The following KAZN variants were observed in gnomAD, a reference collection of about 807,000 sequenced individuals.
KAZN encodes the protein kazrin, periplakin interacting protein, also known as kazrin.
Under a neutral mutation model 87.4 loss-of-function variants are expected in KAZN, and 40 were observed. The ratio of observed to expected loss-of-function variants is 0.46; its 90% CI spans 0.36 to 0.60. The LOEUF is 0.60. KAZN is among the 20% of genes least tolerant of loss of function. KAZN has a pLI of 0.00. For synonymous variants in KAZN, 466 were observed against 458.3 expected (o/e 1.02, Z -0.22); for missense variants, 898 against 1,073.9 (o/e 0.84, Z 2.29).
intron 1 of KAZN, among the ~76,000 whole-genome samples, chr1:14,865,208 G>A (rs1272010354): frequency 6.6e-6 from 1 of 152,132 alleles, no homozygotes; most frequent in African/African-American, 2.4e-5. Context: ...CTTCCCATCT[G>A]GAGGCACCAA....
intron 1 of KAZN, among the ~76,000 whole-genome samples, chr1:14,774,817 C>T (rs545690198): frequency 2.4e-4 from 37 of 152,156 alleles, no homozygotes; most frequent in Non-Finnish European, 4.3e-4. Context: ...ATCTCTGATC[C>T]TGTAAGTCAG....
chr1:14,436,473 T>C (rs562639879), intron 2 of KAZN, among the ~76,000 whole-genome samples: 1 of 151,946 alleles, frequency 6.6e-6, no homozygotes, highest in Admixed American at 6.5e-5. Context: ...ATCCCAGTAC[T>C]TTGAGAGGCC....
At chr1:15,095,268 C>T (rs1385344465) in intron 10 of KAZN, among the ~76,000 whole-genome samples, 2 of 152,060 alleles carry the variant, frequency 1.3e-5, no homozygotes, top group Non-Finnish European at 2.9e-5. Flanking sequence ...CACACTGGGC[C>T]GCCATGGTGT....
intron 2 of KAZN, among the ~76,000 whole-genome samples, chr1:14,521,698 G>A (rs1422433706): frequency 6.6e-6 from 1 of 152,132 alleles, no homozygotes; most frequent in African/African-American, 2.4e-5. Flanking sequence ...TGGGCCCTTG[G>A]GTTGCCCTCA....
chr1:14,155,296 C>T (rs1207509528), intron 1 of KAZN, among the ~76,000 whole-genome samples: 1 of 152,084 alleles, frequency 6.6e-6, no homozygotes, highest in Non-Finnish European at 1.5e-5. Flanking sequence ...TCCATGTCTT[C>T]TAGATTTTCC....
chr1:15,104,854 A>G (rs762533144), intron 13 of KAZN, among the ~76,000 whole-genome samples: 18 of 152,170 alleles, frequency 1.2e-4, no homozygotes, highest in Admixed American at 7.2e-4. Context: ...TCCTTTATAG[A>G]TGGAGAAACT....
chr1:14,814,179 C>G (rs1646496516), intron 1 of KAZN, among the ~76,000 whole-genome samples: 1 of 152,192 alleles, frequency 6.6e-6, no homozygotes, highest in African/African-American at 2.4e-5. Flanking sequence ...CCCTTGGTCA[C>G]AACTGAGTGT....
chr1:14,130,491 T>G (rs1644969299), intron 1 of KAZN, among the ~76,000 whole-genome samples: 1 of 152,156 alleles, frequency 6.6e-6, no homozygotes, highest in Admixed American at 6.5e-5. Context: ...GCATGCTGTT[T>G]CTGAAAAAAT....
chr1:14,924,064 G>A (rs1658852611), intron 1 of KAZN: 1 of 922,772 alleles, frequency 1.1e-6, no homozygotes, highest in Middle Eastern at 5.5e-4. Context: ...GGGGCGGGGC[G>A]GGGGCGGGGC....
At chr1:14,243,545 A>G (rs1649177019) in intron 2 of KAZN, among the ~76,000 whole-genome samples, 1 of 152,232 alleles carries the variant, frequency 6.6e-6, no homozygotes, top group South Asian at 2.1e-4. Flanking sequence ...GGGTGAAGGT[A>G]GGTGAGCAGG....
At chr1:14,358,568 T>C (rs1659238964) in intron 2 of KAZN, among the ~76,000 whole-genome samples, 1 of 152,236 alleles carries the variant, frequency 6.6e-6, no homozygotes, top group Non-Finnish European at 1.5e-5. Flanking sequence ...TTTAGTGCTA[T>C]AAATTTCCCT....
chr1:14,736,257 GTGTGTGTGTGTGTGTGT>G (rs1643896903), intron 1 of KAZN, among the ~76,000 whole-genome samples: 22 of 99,532 alleles, frequency 2.2e-4, no homozygotes, highest in Non-Finnish European at 4.8e-4. Context: ...ACTCAAGGGT[GTGTGTGTGTGTGTGTGT>G]GTGTGTGTGT....
intron 1 of KAZN, among the ~76,000 whole-genome samples, chr1:14,144,402 GAT>G (rs1379057926): frequency 6.6e-6 from 1 of 152,136 alleles, no homozygotes; most frequent in Non-Finnish European, 1.5e-5. Context: ...TGGATATAGG[GAT>G]ATAACAGTTA....
At chr1:14,679,540 G>A (rs574685167) in intron 1 of KAZN, among the ~76,000 whole-genome samples, 90 of 152,242 alleles carry the variant, frequency 5.9e-4, no homozygotes, top group African/African-American at 2.1e-3. Flanking sequence ...CAGGTTGTTT[G>A]CTGTCTCTAG....
At chr1:14,269,145 C>T (rs1244438157) in intron 2 of KAZN, among the ~76,000 whole-genome samples, 1 of 152,066 alleles carries the variant, frequency 6.6e-6, no homozygotes, top group African/African-American at 2.4e-5. Context: ...GATATTGCCC[C>T]CAAGGGGGTG....
At chr1:14,155,753 G>C (rs1405449194) in intron 1 of KAZN, among the ~76,000 whole-genome samples, 1 of 152,006 alleles carries the variant, frequency 6.6e-6, no homozygotes, top group Non-Finnish European at 1.5e-5. Context: ...AGATACAAGT[G>C]ATTCTCATGT....
intron 1 of KAZN, among the ~76,000 whole-genome samples, chr1:14,743,965 T>C (rs2100448766): frequency 6.6e-6 from 1 of 151,834 alleles, no homozygotes; most frequent in East Asian, 1.9e-4. Flanking sequence ...AAACCAAGAC[T>C]CTGGTACCTG....
chr1:14,478,429 T>C (rs1668892866), intron 2 of KAZN, among the ~76,000 whole-genome samples: 1 of 152,128 alleles, frequency 6.6e-6, no homozygotes, highest in African/African-American at 2.4e-5. Flanking sequence ...GATGGGTGGA[T>C]GGCAGTTTTG....
intron 2 of KAZN, among the ~76,000 whole-genome samples, chr1:14,514,841 G>T (rs1056782736): frequency 1.8e-4 from 28 of 151,564 alleles, no homozygotes; most frequent in Non-Finnish European, 2.9e-4. Context: ...TGATACAATT[G>T]TTGTTCCATA....
Sources: allele counts gnomAD v4.1 joint callset (sites outside exome capture counted in the v4.1 genomes callset), GRCh38; gene constraint gnomAD v4.1.1; transcripts MANE v1.5; gene names NCBI Gene and HGNC (gene_info 2026-07-23, HGNC 2026-07-21).